Variants in TGFBR3 observed in about 807,000 individuals in gnomAD.
TGFBR3 encodes transforming growth factor beta receptor 3, also known as transforming growth factor beta receptor type 3.
A neutral mutation model predicts 87.9 loss-of-function variants in TGFBR3; 46 were observed. The observed-to-expected ratio is 0.52, with a 90% CI of 0.41 to 0.67. The LOEUF is 0.67. Ranked by LOEUF, TGFBR3 falls within the 30% of genes least tolerant of loss-of-function variation. The pLI, the probability that TGFBR3 is intolerant of heterozygous loss-of-function variation, is 0.00. For missense variants in TGFBR3, 866 were observed against 1,041.9 expected (o/e 0.83, Z 2.32); for synonymous variants, 381 against 391.6 (o/e 0.97, Z 0.32).
chr1:91,835,685 G>A (rs1031308079), intron 2 of TGFBR3, among the ~76,000 whole-genome samples: 7 of 151,696 alleles, frequency 4.6e-5, no homozygotes, highest in Admixed American at 6.6e-5. Context: ...AAAATTAGCC[G>A]GGCGTGGTGG....
chr1:91,885,087 G>A (rs1679242293), intron 1 of TGFBR3, among the ~76,000 whole-genome samples: 4 of 152,188 alleles, frequency 2.6e-5, no homozygotes, highest in Admixed American at 2.6e-4. Flanking sequence ...GCAACTTTAC[G>A]GGGCAAGTAC....
intron 2 of TGFBR3, among the ~76,000 whole-genome samples, chr1:91,843,721 T>C (rs971891320): frequency 4.6e-5 from 7 of 152,172 alleles, no homozygotes; most frequent in African/African-American, 1.7e-4. Flanking sequence ...CAGCCTATGA[T>C]CTGGACCTGA....
At chr1:91,892,440 G>T (rs1331383279) in intron 2 of TGFBR3, among the ~76,000 whole-genome samples, 1 of 152,136 alleles carries the variant, frequency 6.6e-6, no homozygotes, top group Non-Finnish European at 1.5e-5. Flanking sequence ...ATTATGTAAT[G>T]TTATTTTGTG....
At chr1:91,768,539 G>A (rs1674262904) in intron 3 of TGFBR3, among the ~76,000 whole-genome samples, 1 of 152,162 alleles carries the variant, frequency 6.6e-6, no homozygotes, top group Non-Finnish European at 1.5e-5. Context: ...GGAGGTGACT[G>A]CATTATAGGG....
rs778219483 is a variant in TGFBR3 at position 91,758,670 on chromosome 1, G to C, written c.327C>G (p.Pro109=). The C allele has an allele frequency of 6.2e-6, 10 of 1,613,800 alleles. No individual in the cohort carries two copies. Among genetic ancestry groups the C allele is most frequent in the South Asian group, 5.5e-5 (5 of 91,072 alleles). ...TCTCTGTCTTCAGATGCCACACCAG[G>C]GGGTGTGGGGAGTTGAGCAGGAACA... ...SVVFLLNSPH[P]LVWHLKTERL... is the part of the protein sequence containing the mutation. The change falls in exon 4 of 17, where the codon CCC becomes CCG. Residue 109 remains proline (P), a synonymous_variant. Coordinates refer to ENST00000212355, the MANE Select transcript of TGFBR3 (RefSeq NM_003243.5).
intron 5 of TGFBR3, among the ~76,000 whole-genome samples, chr1:91,732,680 G>A (rs560018562): frequency 6.6e-6 from 1 of 152,154 alleles, no homozygotes; most frequent in African/African-American, 2.4e-5. Flanking sequence ...TCCACGGCAT[G>A]GCCCGGTGAC....
intron 2 of TGFBR3, among the ~76,000 whole-genome samples, chr1:91,843,349 G>T (rs900951447): frequency 3.3e-5 from 5 of 152,156 alleles, no homozygotes; most frequent in African/African-American, 1.2e-4. Context: ...GTATCCATGT[G>T]AGGATACAAT....
intron 5 of TGFBR3, among the ~76,000 whole-genome samples, chr1:91,730,860 C>A (rs1672742456): frequency 6.6e-6 from 1 of 152,254 alleles, no homozygotes; most frequent in African/African-American, 2.4e-5. Flanking sequence ...TTACAGTTTA[C>A]AAAGTGCTTT....
At chr1:91,807,749 G>A (rs139026651) in intron 2 of TGFBR3, among the ~76,000 whole-genome samples, 23 of 152,344 alleles carry the variant, frequency 1.5e-4, no homozygotes, top group Non-Finnish European at 2.6e-4. Flanking sequence ...AAGTGAAGCA[G>A]TGGCATGTCT....
chr1:91,745,026 A>G (rs1226821348), intron 4 of TGFBR3, among the ~76,000 whole-genome samples: 3 of 152,150 alleles, frequency 2.0e-5, no homozygotes, highest in Admixed American at 2.0e-4. Flanking sequence ...GTACACACAC[A>G]CACACACATC....
chr1:91,741,505 G>A (rs1446249581), intron 4 of TGFBR3, among the ~76,000 whole-genome samples: 1 of 152,080 alleles, frequency 6.6e-6, no homozygotes. Context: ...AAAACCATTG[G>A]TCATGTATGA....
intron 12 of TGFBR3, among the ~76,000 whole-genome samples, chr1:91,714,963 T>C (rs1450194217): frequency 6.6e-6 from 1 of 152,204 alleles, no homozygotes; most frequent in East Asian, 1.9e-4. Flanking sequence ...CCAGAGTCAG[T>C]GCGAATGTGA....
At chr1:91,719,186 A>G in intron 10 of TGFBR3, 126 bp downstream of exon 10, 8 of 1,282,418 alleles carry the variant, frequency 6.2e-6, no homozygotes, top group Admixed American at 1.9e-5. Context: ...GAGAACTGAC[A>G]CTTGGCTTTC....
chr1:91,822,293 TAA>T (rs71087974), intron 2 of TGFBR3, among the ~76,000 whole-genome samples: 96 of 93,300 alleles, frequency 1.0e-3, no homozygotes, highest in African/African-American at 4.5e-3. Context: ...AGCAAAGCAT[TAA>T]AAAAAAAAAA....
intron 1 of TGFBR3, among the ~76,000 whole-genome samples, chr1:91,903,695 AAAAG>A (rs1679783243): frequency 6.6e-6 from 1 of 152,148 alleles, no homozygotes; most frequent in Admixed American, 6.6e-5. Flanking sequence ...CTGTCTAAAA[AAAAG>A]AGTTTTGAAA....
chr1:91,741,892 C>T (rs998697874), intron 4 of TGFBR3, among the ~76,000 whole-genome samples: 5 of 152,124 alleles, frequency 3.3e-5, no homozygotes, highest in African/African-American at 1.2e-4. Flanking sequence ...CCTGGGTAAT[C>T]CTTCTAAAAA....
chr1:91,737,980 G>A (rs926796585), intron 4 of TGFBR3, among the ~76,000 whole-genome samples: 2 of 152,180 alleles, frequency 1.3e-5, no homozygotes, highest in East Asian at 1.9e-4. Context: ...ACATTGAGTA[G>A]GGCAGATTTC....
intron 14 of TGFBR3, among the ~76,000 whole-genome samples, chr1:91,703,799 C>T (rs916235751): frequency 6.6e-6 from 1 of 152,168 alleles, no homozygotes; most frequent in African/African-American, 2.4e-5. Flanking sequence ...AATGTTTTGT[C>T]ATAAACCATA....
chr1:91,882,359 A>G (rs1482246164), intron 1 of TGFBR3, among the ~76,000 whole-genome samples: 2 of 151,172 alleles, frequency 1.3e-5, no homozygotes, highest in Admixed American at 6.6e-5. Flanking sequence ...CTGGTCTCGA[A>G]CTCCTGACCT....
Sources: allele counts gnomAD v4.1 joint callset (sites outside exome capture counted in the v4.1 genomes callset), GRCh38; gene constraint gnomAD v4.1.1; transcripts MANE v1.5; gene names NCBI Gene and HGNC (gene_info 2026-07-23, HGNC 2026-07-21).